Variants in CLK1 observed in about 807,000 individuals in gnomAD.
The protein encoded by CLK1 is dual specificity protein kinase CLK1.
A neutral mutation model predicts 60.9 loss-of-function variants in CLK1; 40 were observed. The ratio of observed to expected loss-of-function variants is 0.66; its 90% CI spans 0.51 to 0.86. The LOEUF is 0.86. CLK1 is among the 40% of genes least tolerant of loss of function. The pLI, the probability that CLK1 is intolerant of heterozygous loss-of-function variation, is 0.00. For synonymous variants in CLK1, 203 were observed against 184.4 expected, an observed-to-expected ratio of 1.10 and a Z score of -0.82; for missense variants, 563 against 606.1, an observed-to-expected ratio of 0.93 and a Z score of 0.75.
chr2:200,856,603 GTA>G, intron 9 of CLK1, 77 bp downstream of exon 9: 1 of 1,213,322 alleles, frequency 8.2e-7, no homozygotes, highest in Non-Finnish European at 1.2e-6. Flanking sequence ...AGCCCCACAA[GTA>G]AGACCTAAAA....
At position 200,864,214 on chromosome 2, in the gene CLK1, G is replaced by A. The variant is rs761314135; in HGVS notation, c.-1+350C>T. 8.4e-6 allele frequency: 13 copies of A among 1,547,860 alleles called. No homozygotes were observed. In the South Asian group the frequency reaches 1.4e-4, roughly 17 times the overall value. On this transcript the variant is annotated intron_variant, in intron 1 of 12. Coordinates refer to ENST00000321356, the MANE Select transcript of CLK1 (RefSeq NM_004071.4). ...GGCCACAGGGCCGAAGCCGGCCTCC[G>A]CCCAGCCGCCATCTTACAGCTCCGC...
intron 4 of CLK1, 81 bp from the exon 5 acceptor site, chr2:200,859,827 T>A (rs748962306): frequency 7.0e-6 from 11 of 1,571,920 alleles, no homozygotes; most frequent in Non-Finnish European, 9.5e-6. Flanking sequence ...CAATGTAGAT[T>A]ATTCTAGTTG....
chr2:200,857,216 G>A, intron 7 of CLK1: 2 of 494,730 alleles, frequency 4.0e-6, no homozygotes, highest in Non-Finnish European at 7.3e-6. Flanking sequence ...TGAGGCAGGA[G>A]AATCACTTGA....
chr2:200,857,942 A>C, intron 6 of CLK1, 31 bp downstream of exon 6: 1 of 1,610,902 alleles, frequency 6.2e-7, no homozygotes, highest in Non-Finnish European at 8.5e-7. Context: ...TATACCTGAT[A>C]CCACTTCCCA....
Position 200,855,060 on chromosome 2 carries a change from C to T in CLK1, c.1084G>A (p.Val362Ile). The T allele has an allele frequency of 1.9e-6, 3 of 1,612,448 alleles. No homozygotes were observed. The highest frequency in any genetic ancestry group is 2.5e-6 in the Non-Finnish European group (3 of 1,179,564). ...ATAAGAATGCATCCTATGCTCCAGA[C>T]ATCACATGGTTGGGACCACCCTAGG... is the stretch of plus-strand genomic sequence containing the variant. Reference protein sequence around the residue: ...LALGWSQPCDVWSIGCILIEY... With the variant: ...LALGWSQPCDIWSIGCILIEY... The change falls in exon 10 of 13, where the codon GTC becomes ATC. Residue 362 changes from valine to isoleucine, a missense_variant. Transcript: ENST00000321356.
intron 12 of CLK1, among the ~76,000 whole-genome samples, chr2:200,853,679 G>GGGA (rs1171654137): frequency 8.1e-5 from 4 of 49,130 alleles, no homozygotes; most frequent in East Asian, 7.4e-4. Flanking sequence ...GTCTTTACTT[G>GGGA]AAAAAAAAAA....
chr2:200,860,232 GGCGGCA>G lies in CLK1; in HGVS notation c.391-23_391-18del, dbSNP rs1282414914. The G allele has an allele frequency of 6.2e-7, 1 of 1,613,540 alleles. No individual in the cohort carries two copies. The highest frequency in any genetic ancestry group is 2.2e-5 in the East Asian group (1 of 44,882). On this transcript the variant is annotated intron_variant, in intron 3 of 12. Coordinates refer to ENST00000321356, the MANE Select transcript of CLK1 (RefSeq NM_004071.4). ...GTGACTCTTCTGGAAACGTCAAGTG[GGCGGCA>G]CCAAGATCATCCAGCCAATCAATAT...
intron 1 of CLK1, chr2:200,864,195 A>G: frequency 1.9e-6 from 3 of 1,550,598 alleles, no homozygotes; most frequent in Non-Finnish European, 2.6e-6. Context: ...TTCCGGCCAC[A>G]GGGCCGAAGC....
intron 1 of CLK1, chr2:200,864,352 T>G: frequency 5.7e-6 from 7 of 1,230,670 alleles, no homozygotes; most frequent in South Asian, 1.8e-5. Context: ...ACACCGTAAC[T>G]ACCCCCGCAG....
chr2:200,860,146 C>A lies in CLK1; in HGVS notation c.460G>T (p.Gly154Ter). 6.2e-7 allele frequency: 1 copy of A among 1,613,950 alleles called. No individual in the cohort carries two copies. Among genetic ancestry groups the A allele is most frequent in the Non-Finnish European group, 8.5e-7 (1 of 1,179,934 alleles). Residue 154 changes from glycine to a stop codon, truncating the protein, a stop_gained, in exon 4 of 13, where the codon GGA becomes TGA. Coordinates refer to ENST00000321356, the MANE Select transcript of CLK1 (RefSeq NM_004071.4). LOFTEE classifies it high-confidence loss of function. The part of the protein sequence containing the change: ...DEEGHLICQS[G>*]DVLSARYEIV... ...ATACATCTTGCACTTAGTACGTCTC[C>A]ACTCTGACAGATCAGGTGACCCTCC...
chr2:200,860,639 TAAGAA>T (rs2039122207), intron 3 of CLK1: 1 of 996,804 alleles, frequency 1.0e-6, no homozygotes, highest in South Asian at 4.4e-5. Flanking sequence ...CTACCTAATC[TAAGAA>T]AACAAATATT....
rs957224155 is a variant in CLK1 at position 200,857,987 on chromosome 2, G to T, written c.651C>A (p.Asp217Glu). The change falls in exon 6 of 13, where the codon GAC becomes GAA. Residue 217 changes from aspartate (D) to glutamate (E), a missense_variant. By Grantham distance (45) the Asp-to-Glu change is conservative. This residue lies in a region of CLK1 where 360 missense variants were observed against 407.0 expected (regional missense o/e 0.88). Coordinates refer to ENST00000321356, the MANE Select transcript of CLK1 (RefSeq NM_004071.4). ...CTGATACTTACAAAGTACTGTTGGG[G>T]TCTGTTGTATTCAGATGTTCCAGAA... ...IQVLEHLNTT[D>E]PNSTFRCVQM... 5 of 1,613,514 alleles carry T rather than the reference G, an allele frequency of 3.1e-6. No homozygotes were observed. Among genetic ancestry groups the T allele is most frequent in the Non-Finnish European group, 4.2e-6 (5 of 1,179,546 alleles).
At chr2:200,864,015 AAAGC>A in intron 1 of CLK1, 1 of 1,430,050 alleles carries the variant, frequency 7.0e-7, no homozygotes, top group South Asian at 1.4e-5. Context: ...CACTGAGGAC[AAAGC>A]CACTCGCGAT....
chr2:200,857,363 A>C (rs2039060828), intron 7 of CLK1: 1 of 261,730 alleles, frequency 3.8e-6, no homozygotes, highest in African/African-American at 2.2e-5. Flanking sequence ...AATGGTCAAC[A>C]TTCCAGTCTG....
At chr2:200,862,101 CA>C (rs145681104) in intron 1 of CLK1, among the ~76,000 whole-genome samples, 260 of 128,328 alleles carry the variant, frequency 2.0e-3, no homozygotes, top group Middle Eastern at 4.3e-3. Flanking sequence ...TGGAAGAATG[CA>C]AAAAAAAAAA....
intron 9 of CLK1, among the ~76,000 whole-genome samples, 159 bp from the exon 10 acceptor site, chr2:200,855,245 A>G (rs988951230): frequency 6.6e-6 from 1 of 151,244 alleles, no homozygotes; most frequent in Non-Finnish European, 1.5e-5. Flanking sequence ...GGAGGCCAAG[A>G]TGGGAGAACT....
chr2:200,856,413 G>A (rs1310782652), intron 9 of CLK1, among the ~76,000 whole-genome samples: 2 of 151,928 alleles, frequency 1.3e-5, no homozygotes, highest in African/African-American at 4.8e-5. Context: ...GAGCCACCGC[G>A]CCCCACCTGG....
At chr2:200,859,265 C>G (rs2039095816) in intron 5 of CLK1, among the ~76,000 whole-genome samples, 2 of 152,130 alleles carry the variant, frequency 1.3e-5, no homozygotes, top group African/African-American at 4.8e-5. Flanking sequence ...GCTATGTTAT[C>G]AGAATGAATT....
intron 1 of CLK1, chr2:200,864,136 G>A (rs1301130913): frequency 6.4e-7 from 1 of 1,551,234 alleles, no homozygotes; most frequent in South Asian, 1.2e-5. Flanking sequence ...CTTGGCTCAC[G>A]CACATTCTGG....
Sources: allele counts gnomAD v4.1 joint callset (sites outside exome capture counted in the v4.1 genomes callset), GRCh38; gene constraint gnomAD v4.1.1; regional missense constraint gnomAD v4.1.1; transcripts MANE v1.5; gene names NCBI Gene and HGNC (gene_info 2026-07-23, HGNC 2026-07-21).